The following ATAD2B variants were observed in gnomAD, a reference collection of about 807,000 sequenced individuals.
The protein encoded by ATAD2B is ATPase family AAA domain-containing protein 2B.
Under a neutral mutation model 167.6 loss-of-function variants are expected in ATAD2B, and 40 were observed. The observed-to-expected ratio is 0.24, with a 90% confidence interval of 0.19 to 0.31. ATAD2B has a LOEUF of 0.31. Among genes scored for constraint, ATAD2B ranks in the 10% least tolerant of loss-of-function variants. The pLI is 1.00. For missense variants in ATAD2B, 1,242 were observed against 1,757.2 expected (o/e 0.71, Z 5.24); for synonymous variants, 579 against 596.5 (o/e 0.97, Z 0.43).
chr2:23,703,324 C>T, the ATAD2B span: 1 of 1,545,030 alleles, frequency 6.5e-7, no homozygotes, highest in Non-Finnish European at 8.7e-7. Context: ...CCGGCGTCCT[C>T]CAGTCTTACG....
At chr2:23,880,975 T>C (rs996681939) in intron 6 of ATAD2B, among the ~76,000 whole-genome samples, 2 of 152,240 alleles carry the variant, frequency 1.3e-5, no homozygotes, top group African/African-American at 4.8e-5. Flanking sequence ...AATTATCTGC[T>C]AAATAAATTA....
intron 18 of ATAD2B, among the ~76,000 whole-genome samples, chr2:23,807,588 G>A (rs758942847): frequency 5.9e-5 from 9 of 151,796 alleles, no homozygotes; most frequent in African/African-American, 9.7e-5. Context: ...AGGCCAAGGC[G>A]GGCAGATCAC....
intron 8 of ATAD2B, chr2:23,872,789 A>G (rs1696203325): frequency 2.1e-6 from 2 of 941,074 alleles, no homozygotes; most frequent in African/African-American, 3.2e-5. Context: ...CATCTGATCA[A>G]TGGCATCTAG....
At chr2:23,703,996 C>G in the ATAD2B span, 2 of 1,062,330 alleles carry the variant, frequency 1.9e-6, no homozygotes, top group Non-Finnish European at 1.3e-6. Context: ...CCCCCTCCAA[C>G]CACAGGAGTG....
chr2:23,876,365 G>A (rs762217790), intron 7 of ATAD2B, among the ~76,000 whole-genome samples: 3 of 150,752 alleles, frequency 2.0e-5, no homozygotes, highest in Admixed American at 6.6e-5. Context: ...GCAGTGGCGC[G>A]ATCTCGGCTC....
chr2:23,709,094 G>A, the ATAD2B span, among the ~76,000 whole-genome samples: 1 of 151,980 alleles, frequency 6.6e-6, no homozygotes, highest in Non-Finnish European at 1.5e-5. Flanking sequence ...AGACTGGAGT[G>A]CAATGGCGCG....
chr2:23,821,428 C>T (rs1284356679), intron 16 of ATAD2B, among the ~76,000 whole-genome samples: 3 of 152,148 alleles, frequency 2.0e-5, no homozygotes, highest in Admixed American at 6.5e-5. Flanking sequence ...ATCATGGCAT[C>T]GTGCCTGGCT....
At chr2:23,826,818 T>C (rs1421826944) in intron 15 of ATAD2B, among the ~76,000 whole-genome samples, 1 of 152,182 alleles carries the variant, frequency 6.6e-6, no homozygotes, top group African/African-American at 2.4e-5. Flanking sequence ...TATCAATGTA[T>C]GTTGAGTTTT....
At chr2:23,892,472 T>C (rs1399887537) in intron 2 of ATAD2B, among the ~76,000 whole-genome samples, 1 of 144,732 alleles carries the variant, frequency 6.9e-6, no homozygotes. Context: ...TTTTTTCTTT[T>C]CTTTTTTTTT....
the ATAD2B span, among the ~76,000 whole-genome samples, chr2:23,714,138 G>T: frequency 6.6e-6 from 1 of 152,028 alleles, no homozygotes; most frequent in East Asian, 1.9e-4. Context: ...GAATTCTGAG[G>T]TCAACACATT....
chr2:23,709,779 T>C, the ATAD2B span, among the ~76,000 whole-genome samples: 1 of 152,232 alleles, frequency 6.6e-6, no homozygotes, highest in Non-Finnish European at 1.5e-5. Flanking sequence ...TCCTAAAGGA[T>C]GGCGAATGTC....
At chr2:23,698,616 T>G in the ATAD2B span, among the ~76,000 whole-genome samples, 1 of 152,136 alleles carries the variant, frequency 6.6e-6, no homozygotes, top group Non-Finnish European at 1.5e-5. Context: ...ATTATATAAT[T>G]ATAGATTAAG....
chr2:23,740,304 A>G, the ATAD2B span, among the ~76,000 whole-genome samples: 1 of 152,216 alleles, frequency 6.6e-6, no homozygotes, highest in Non-Finnish European at 1.5e-5. Context: ...AATCCTCAAT[A>G]AAATACTGGC....
the ATAD2B span, among the ~76,000 whole-genome samples, chr2:23,730,619 T>C: frequency 1.8e-5 from 2 of 110,168 alleles, no homozygotes; most frequent in East Asian, 3.2e-4. Flanking sequence ...TGAGCCGAGA[T>C]CACACCACTG....
intron 1 of ATAD2B, chr2:23,901,076 A>G (rs77724890): frequency 0.079 from 12,157 of 153,258 alleles, 614 homozygotes; most frequent in South Asian, 0.12. Flanking sequence ...CAATATTATT[A>G]ATACAAGACC....
intron 22 of ATAD2B, among the ~76,000 whole-genome samples, chr2:23,771,497 A>G (rs1678318882): frequency 6.6e-6 from 1 of 152,206 alleles, no homozygotes; most frequent in Non-Finnish European, 1.5e-5. Context: ...TGTTCCAGTA[A>G]AAAAATTTGA....
rs754184514 is a variant in ATAD2B at position 23,823,477 on chromosome 2, T to G, written c.1912A>C (p.Lys638Gln). The change falls in exon 16 of 28, where the codon AAA (lysine) becomes CAA (glutamine). Residue 638 changes from lysine (K) to glutamine (Q), a missense_variant. This residue lies in a region of ATAD2B where 151 missense variants were observed against 284.1 expected (regional missense o/e 0.53). Coordinates refer to ENST00000238789, the MANE Select transcript of ATAD2B (RefSeq NM_017552.4). ...RYPQIYASSHKLQLDVSSIVL... is the reference protein window; with the variant it reads ...RYPQIYASSHQLQLDVSSIVL... Reference sequence around the variant, plus strand: ...ATTGAGGAAACATCCAGCTGCAGTTTATGACTGCTAGCATAGATCTGGGGA... The same window carrying G: ...ATTGAGGAAACATCCAGCTGCAGTTGATGACTGCTAGCATAGATCTGGGGA... The G allele has an allele frequency of 6.2e-7, 1 of 1,613,950 alleles. No homozygotes were observed. Among genetic ancestry groups the G allele is most frequent in the Non-Finnish European group, 8.5e-7 (1 of 1,179,866 alleles).
At chr2:23,891,310 A>G (rs1424133300) in intron 2 of ATAD2B, among the ~76,000 whole-genome samples, 1 of 151,928 alleles carries the variant, frequency 6.6e-6, no homozygotes, top group Non-Finnish European at 1.5e-5. Context: ...GTAAGCCACC[A>G]CGCCCAGCCT....
intron 1 of ATAD2B, among the ~76,000 whole-genome samples, chr2:23,896,573 A>G (rs1386482010): frequency 1.3e-5 from 2 of 152,002 alleles, no homozygotes; most frequent in South Asian, 4.1e-4. Context: ...AATCCCTCAG[A>G]CCCTCCTAAA....
Sources: allele counts gnomAD v4.1 joint callset (sites outside exome capture counted in the v4.1 genomes callset), GRCh38; gene constraint gnomAD v4.1.1; regional missense constraint gnomAD v4.1.1; transcripts MANE v1.5; gene names NCBI Gene and HGNC (gene_info 2026-07-23, HGNC 2026-07-21).